The following STOM variants were observed in gnomAD, a reference collection of about 807,000 sequenced individuals.
STOM encodes erythrocyte band 7 integral membrane protein.
STOM carries 25 observed loss-of-function variants against 30.6 expected under a neutral mutation model. That is an observed-to-expected ratio of 0.82 (90% CI 0.60 to 1.14). The LOEUF is 1.14. STOM is among the 50% of genes most tolerant of loss of function. The probability of loss-of-function intolerance (pLI) is 0.00; values close to 1 mark genes in which losing one functional copy is unlikely to be tolerated. For synonymous variants in STOM, 118 were observed against 130.8 expected, an observed-to-expected ratio of 0.90 and a Z score of 0.67; for missense variants, 292 against 365.2, an observed-to-expected ratio of 0.80 and a Z score of 1.63.
Position 121,340,659 on chromosome 9 carries a change from A to G in STOM, c.*543T>C, listed in dbSNP as rs2064237607. 1.3e-6 allele frequency: 1 copy of G among 766,916 alleles called. No individual in the cohort carries two copies. Among genetic ancestry groups the G allele is most frequent in the East Asian group, 1.3e-4 (1 of 7,782 alleles). The allele number at this position is 766,916 out of a possible 1,614,324, so 47.5% of individuals were successfully genotyped here. On this transcript the variant is annotated 3_prime_UTR_variant, in exon 7 of 7. Transcript: ENST00000286713. ...CAGCTACTGGGGAGGCTGAGGCAGGAGAATCTCTTGAACCCAGGAGGCGGA... is the reference window on the plus strand; with the variant it reads ...CAGCTACTGGGGAGGCTGAGGCAGGGGAATCTCTTGAACCCAGGAGGCGGA...
intron 4 of STOM, among the ~76,000 whole-genome samples, chr9:121,351,569 A>G (rs532302041): frequency 6.6e-6 from 1 of 152,332 alleles, no homozygotes; most frequent in African/African-American, 2.4e-5. Flanking sequence ...GGTTTTCTGT[A>G]TGCAACGGTT....
chr9:121,342,667 T>A (rs149245571), intron 6 of STOM, among the ~76,000 whole-genome samples: 1 of 152,172 alleles, frequency 6.6e-6, no homozygotes, highest in Non-Finnish European at 1.5e-5. Flanking sequence ...TTATTTCTCA[T>A]TGGGTACATT....
chr9:121,369,424 G>A (rs2134051326), intron 1 of STOM, among the ~76,000 whole-genome samples: 1 of 151,716 alleles, frequency 6.6e-6, no homozygotes, highest in East Asian at 2.0e-4. Context: ...CCTCCACAGG[G>A]GAACGAGACT....
rs189792225 is a variant in STOM, at chr9:121,369,011, C to T, written c.61+1116G>A. 4.1e-4 allele frequency among the ~76,000 whole-genome samples: 62 copies of T among 151,822 alleles called. No individual in the cohort carries two copies. In the East Asian group the frequency reaches 4.7e-3, roughly 11 times the overall value. ...TTGTTGTGGTTGCCATTATTCTCAT[C>T]AACTCCTCCCTGTTACACTCTCCAT... On this transcript the variant is annotated intron_variant, in intron 1 of 6. Transcript: ENST00000286713.
At chr9:121,357,614 A>G (rs306787) in intron 1 of STOM, among the ~76,000 whole-genome samples, 22,594 of 150,914 alleles carry the variant, frequency 0.15, 1,858 homozygotes, top group Middle Eastern at 0.2. Flanking sequence ...TACTTTTTGT[A>G]TTTAGTACAG....
In STOM at chr9:121,340,195, C is replaced by T. The variant is rs937693475; in HGVS notation, c.*1007G>A. 1.0e-5 allele frequency: 10 copies of T among 985,132 alleles called. No homozygotes were observed. The highest frequency in any genetic ancestry group is 1.7e-5 in the African/African-American group (1 of 57,172). 61.0% of individuals were successfully genotyped at this position (985,132 alleles called of 1,614,324 possible). ...TATTTAGCTGGTTTGAAAGACAGAA[C>T]AAGGAGGAATCATTTACTCATAAAG... On this transcript the variant is annotated 3_prime_UTR_variant, in exon 7 of 7. Coordinates refer to ENST00000286713, the MANE Select transcript of STOM (RefSeq NM_004099.6).
intron 5 of STOM, among the ~76,000 whole-genome samples, chr9:121,348,379 A>T (rs2064308211): frequency 6.6e-6 from 1 of 152,204 alleles, no homozygotes; most frequent in Non-Finnish European, 1.5e-5. Flanking sequence ...CCATATAGTG[A>T]TTGTTTATTT....
intron 6 of STOM, among the ~76,000 whole-genome samples, chr9:121,344,629 A>G (rs1429125664): frequency 6.6e-6 from 1 of 152,250 alleles, no homozygotes; most frequent in African/African-American, 2.4e-5. Flanking sequence ...ATAGCAATCA[A>G]CATTTCATAT....
At chr9:121,355,960 T>G (rs1380610082) in intron 2 of STOM, 93 bp downstream of exon 2, 7 of 778,104 alleles carry the variant, frequency 9.0e-6, no homozygotes, top group African/African-American at 1.8e-5. Context: ...AGAGACAGTC[T>G]GTTTCTTTCT....
At position 121,349,261 on chromosome 9, in the gene STOM, A is replaced by G; in HGVS notation, c.384T>C (p.Asn128=). 2 of 1,614,194 alleles carry G rather than the reference A, an allele frequency of 1.2e-6. No individual in the cohort carries two copies. The highest frequency in any genetic ancestry group is 1.7e-6 in the Non-Finnish European group (2 of 1,180,032). ...VDGVVYYRVQ[N]ATLAVANITN... ...TGATATTTGCCACAGCCAGGGTTGC[A>G]TTCTGAACGCGGTAATAGACCACAC... The change falls in exon 5 of 7, where the codon AAT becomes AAC. Residue 128 remains asparagine (N), a synonymous_variant. Transcript: ENST00000286713.
At chr9:121,364,497 T>C (rs2064484791) in intron 1 of STOM, among the ~76,000 whole-genome samples, 1 of 152,188 alleles carries the variant, frequency 6.6e-6, no homozygotes, top group African/African-American at 2.4e-5. Context: ...CCAAAAGAAC[T>C]GATACTGATG....
intron 6 of STOM, 93 bp downstream of exon 6, chr9:121,347,922 C>G: frequency 7.0e-7 from 1 of 1,434,358 alleles, no homozygotes; most frequent in Non-Finnish European, 9.2e-7. Flanking sequence ...AAGATTATTT[C>G]AAGTTTTTAC....
chr9:121,360,151 C>A (rs1269117720), intron 1 of STOM, among the ~76,000 whole-genome samples: 3 of 152,166 alleles, frequency 2.0e-5, no homozygotes, highest in Non-Finnish European at 4.4e-5. Flanking sequence ...GCACAGTATC[C>A]TGCATAGTAG....
At chr9:121,363,117 A>G (rs1048554999) in intron 1 of STOM, among the ~76,000 whole-genome samples, 9 of 152,212 alleles carry the variant, frequency 5.9e-5, no homozygotes, top group African/African-American at 2.2e-4. Flanking sequence ...ATAAGAAAGG[A>G]TGGGCTAAGG....
intron 3 of STOM, 86 bp downstream of exon 3, chr9:121,354,515 G>A (rs7028176): frequency 0.058 from 63,722 of 1,106,662 alleles, 3,137 homozygotes; most frequent in African/African-American, 0.2. Context: ...ATGAAACCCT[G>A]TCTTTAAAAA....
chr9:121,352,888 C>T (rs1469844659), intron 4 of STOM, among the ~76,000 whole-genome samples: 7 of 152,166 alleles, frequency 4.6e-5, no homozygotes, highest in South Asian at 4.1e-4. Context: ...GTCAGGAGTT[C>T]GAGACCAGCC....
chr9:121,360,574 C>T (rs2064441777), intron 1 of STOM, among the ~76,000 whole-genome samples: 1 of 152,066 alleles, frequency 6.6e-6, no homozygotes, highest in Non-Finnish European at 1.5e-5. Flanking sequence ...TTCTGTAATC[C>T]TTCTATTTTA....
chr9:121,348,008 A>T lies in STOM; in HGVS notation c.660+7T>A. The T allele has an allele frequency of 6.3e-7, 1 of 1,590,800 alleles. No homozygotes were observed. The highest frequency in any genetic ancestry group is 8.5e-7 in the Non-Finnish European group (1 of 1,171,184). On this transcript the variant is annotated splice_region_variant and intron_variant, in intron 6 of 6. Transcript: ENST00000286713. ...AGTAAGAAAAACAAGTTTAAAAAAA[A>T]AGTTACCTTGGCGCGGGCCTCGCGG...
intron 6 of STOM, among the ~76,000 whole-genome samples, chr9:121,347,045 C>T (rs535258563): frequency 6.6e-6 from 1 of 152,346 alleles, no homozygotes; most frequent in South Asian, 2.1e-4. Flanking sequence ...TATTATTATG[C>T]TATCTTTGCA....
Sources: allele counts gnomAD v4.1 joint callset (sites outside exome capture counted in the v4.1 genomes callset), GRCh38; gene constraint gnomAD v4.1.1; transcripts MANE v1.5; gene names NCBI Gene and HGNC (gene_info 2026-07-23, HGNC 2026-07-21).